Variants in SMPD3 observed in about 807,000 individuals in gnomAD.
SMPD3 encodes the protein sphingomyelin phosphodiesterase 3.
SMPD3 carries 21 observed loss-of-function variants against 55.7 expected under a neutral mutation model. The ratio of observed to expected loss-of-function variants is 0.38; its 90% CI spans 0.27 to 0.54. The LOEUF (loss-of-function observed/expected upper bound fraction) is 0.54. Ranked by LOEUF, SMPD3 falls within the 20% of genes least tolerant of loss-of-function variation. The pLI, the probability that SMPD3 is intolerant of heterozygous loss-of-function variation, is 0.80. For synonymous variants in SMPD3, 457 were observed against 404.3 expected (o/e 1.13, Z -1.56); for missense variants, 842 against 899.6 (o/e 0.94, Z 0.82).
At chr16:68,419,759 A>C (rs2090374363) in intron 1 of SMPD3, among the ~76,000 whole-genome samples, 1 of 152,184 alleles carries the variant, frequency 6.6e-6, no homozygotes, top group South Asian at 2.1e-4. Context: ...GACAACCATA[A>C]TGAAGCCTTA....
chr16:68,384,783 A>T (rs1240474653), intron 2 of SMPD3, among the ~76,000 whole-genome samples: 1 of 151,524 alleles, frequency 6.6e-6, no homozygotes, highest in African/African-American at 2.4e-5. Flanking sequence ...TTATTCCATC[A>T]CCTGACCCTA....
Position 68,361,550 on chromosome 16 carries a change from C to T in SMPD3, c.1866+53G>A, listed in dbSNP as rs544159614. On this transcript the variant is annotated intron_variant, in intron 8 of 8. Coordinates refer to ENST00000219334, the MANE Select transcript of SMPD3 (RefSeq NM_018667.4). ...AGCGGCTGTCGAGAGCTGCAGGGCC[C>T]GGGCCCTGCTCTCTCTTTGCATGGC... 61 of 1,592,866 alleles carry T rather than the reference C, an allele frequency of 3.8e-5. No individual in the cohort carries two copies. The East Asian group carries it at 4.7e-4, about 12-fold the overall frequency.
intron 1 of SMPD3, among the ~76,000 whole-genome samples, chr16:68,429,737 G>T (rs1252165550): frequency 1.1e-4 from 16 of 152,154 alleles, no homozygotes; most frequent in Non-Finnish European, 5.9e-5. Flanking sequence ...CAAAATGAAG[G>T]ACTTGAGGAC....
chr16:68,424,625 C>T (rs760602680), intron 1 of SMPD3, among the ~76,000 whole-genome samples: 8 of 152,216 alleles, frequency 5.3e-5, no homozygotes, highest in Admixed American at 1.3e-4. Flanking sequence ...TTCAGCGCCA[C>T]GCCAGGCATC....
At chr16:68,435,170 C>G (rs1308371601) in intron 1 of SMPD3, among the ~76,000 whole-genome samples, 4 of 152,108 alleles carry the variant, frequency 2.6e-5, no homozygotes, top group Non-Finnish European at 4.4e-5. Flanking sequence ...GGGATGAACT[C>G]TTTGCAGAGA....
intron 5 of SMPD3, chr16:68,364,448 G>A (rs979539438): frequency 5.9e-6 from 2 of 337,830 alleles, no homozygotes; most frequent in Non-Finnish European, 1.1e-5. Context: ...AAGCAAGAGC[G>A]CGGCGCCCCG....
chr16:68,371,260 C>G lies in SMPD3; in HGVS notation c.922G>C (p.Gly308Arg), dbSNP rs777119021. The change falls in exon 3 of 9, where the codon GGG becomes CGG. Residue 308 changes from glycine (G) to arginine (R), a missense_variant. Transcript: ENST00000219334. ...SRESLVKGRA[G>R]PDTSASGEPG... is the part of the protein sequence containing the mutation. The stretch of plus-strand genomic sequence containing the variant: ...TCCCCGCTGGCACTGGTGTCTGGCC[C>G]AGCTCGCCCCTTCACCAGGGACTCC... 5 of 1,606,168 alleles carry G rather than the reference C, an allele frequency of 3.1e-6. No individual in the cohort carries two copies. Among genetic ancestry groups the G allele is most frequent in the Non-Finnish European group, 3.4e-6 (4 of 1,178,324 alleles).
chr16:68,418,008 T>A (rs1199306232), intron 1 of SMPD3, among the ~76,000 whole-genome samples: 1 of 152,202 alleles, frequency 6.6e-6, no homozygotes, highest in African/African-American at 2.4e-5. Context: ...GCCTGGTACA[T>A]ATCAAGTGCT....
At chr16:68,393,002 A>C (rs2090125732) in intron 1 of SMPD3, among the ~76,000 whole-genome samples, 1 of 151,952 alleles carries the variant, frequency 6.6e-6, no homozygotes, top group Non-Finnish European at 1.5e-5. Flanking sequence ...AACCTGTAAG[A>C]AACTAAATTT....
intron 1 of SMPD3, among the ~76,000 whole-genome samples, chr16:68,437,837 A>G (rs1483605188): frequency 6.6e-6 from 1 of 152,206 alleles, no homozygotes; most frequent in Non-Finnish European, 1.5e-5. Flanking sequence ...AGCCATTAGA[A>G]AAGACATTTT....
At position 68,437,094 on chromosome 16, in the gene SMPD3, G is replaced by A. The variant is rs548882615; in HGVS notation, c.-269+11259C>T. Among the ~76,000 whole-genome samples, 8 of 152,310 alleles carry A rather than the reference G, an allele frequency of 5.3e-5. No homozygotes were observed. In the South Asian group the frequency reaches 1.7e-3, roughly 32 times the overall value. The stretch of plus-strand genomic sequence containing the variant: ...GCACATTTTCTACACTGCATCTCTT[G>A]TTCTGTTTTAGAATTGACTACCTCC... On this transcript the variant is annotated intron_variant, in intron 1 of 8. Transcript: ENST00000219334.
At chr16:68,361,851 G>A (rs2151969703) in intron 7 of SMPD3, 92 bp from the exon 8 acceptor site, 1 of 1,298,752 alleles carries the variant, frequency 7.7e-7, no homozygotes, top group Non-Finnish European at 1.0e-6. Context: ...TCCTCCCAGT[G>A]TGGGAGCGGG....
chr16:68,366,924 C>T (rs1221737800), intron 3 of SMPD3, among the ~76,000 whole-genome samples: 1 of 151,916 alleles, frequency 6.6e-6, no homozygotes, highest in East Asian at 1.9e-4. Context: ...AGGAGAATCG[C>T]TTGAACCTTG....
chr16:68,374,562 G>A (rs1333557524), intron 2 of SMPD3, among the ~76,000 whole-genome samples: 6 of 152,204 alleles, frequency 3.9e-5, no homozygotes, highest in South Asian at 2.1e-4. Context: ...AGTGCTCAGC[G>A]GGACTGGTGG....
Position 68,360,026 on chromosome 16 carries a change from G to A in SMPD3, c.*1180C>T, listed in dbSNP as rs143079653. ...ACTGGTGAGGGCCAGGCTGCTCTCT[G>A]CACCTTGGCTTCCTGCCTCCTAGGC... On this transcript the variant is annotated 3_prime_UTR_variant, in exon 9 of 9. Coordinates refer to ENST00000219334, the MANE Select transcript of SMPD3 (RefSeq NM_018667.4). 0.011 allele frequency: 1,616 copies of A among 153,284 alleles called. 16 individuals are homozygous for A. The highest frequency in any genetic ancestry group is 0.045 in the South Asian group (217 of 4,846). 9.5% of individuals were successfully genotyped at this position (153,284 alleles called of 1,614,324 possible).
chr16:68,415,770 A>G (rs1442510830), intron 1 of SMPD3, among the ~76,000 whole-genome samples: 3 of 150,750 alleles, frequency 2.0e-5, no homozygotes, highest in Non-Finnish European at 2.9e-5. Flanking sequence ...TTTCATATGT[A>G]ATTTGCAGAC....
At chr16:68,378,878 T>A (rs2089884987) in intron 2 of SMPD3, among the ~76,000 whole-genome samples, 1 of 152,182 alleles carries the variant, frequency 6.6e-6, no homozygotes, top group Non-Finnish European at 1.5e-5. Context: ...ATGAATCCAA[T>A]TCAGAGGAAA....
Position 68,363,588 on chromosome 16 carries a change from C to T in SMPD3, c.1646-29G>A, listed in dbSNP as rs111637828. On this transcript the variant is annotated intron_variant, in intron 6 of 8. Coordinates refer to ENST00000219334, the MANE Select transcript of SMPD3 (RefSeq NM_018667.4). ...GGGGGGACGAGGGGGTGACAGTGGT[C>T]GCTGCAGGCAGGGCCCAGGCAGCCT... 4.2e-4 allele frequency: 678 copies of T among 1,606,792 alleles called. 5 individuals carry two copies. The African/African-American group carries it at 5.8e-3, about 14-fold the overall frequency.
intron 1 of SMPD3, among the ~76,000 whole-genome samples, chr16:68,407,680 C>G (rs1477483426): frequency 2.0e-5 from 3 of 152,008 alleles, no homozygotes; most frequent in Non-Finnish European, 2.9e-5. Flanking sequence ...ATTCTAAAAT[C>G]TTTATTATCA....
Sources: gnomAD v4.1 joint callset for allele counts (sites outside exome capture counted in the v4.1 genomes callset) on GRCh38, gnomAD v4.1.1 for gene constraint, MANE v1.5 for transcripts, NCBI Gene and HGNC (gene_info 2026-07-23, HGNC 2026-07-21) for gene names.